TRAPPC9: variants seen among roughly 807,000 people sequenced by gnomAD.
The protein encoded by TRAPPC9 is IKK2 binding protein.
In TRAPPC9, 83 loss-of-function variants were observed where a neutral mutation model predicts 124.0. The observed-to-expected ratio is 0.67, with a 90% CI of 0.56 to 0.80. The LOEUF (loss-of-function observed/expected upper bound fraction) is 0.80. Ranked by LOEUF, TRAPPC9 falls within the 30% of genes least tolerant of loss-of-function variation. The pLI is 0.00. For synonymous variants in TRAPPC9, 638 were observed against 617.5 expected (o/e 1.03, Z -0.49); for missense variants, 1,302 against 1,508.3 (o/e 0.86, Z 2.27).
chr8:140,056,092 G>A (rs1842273904), intron 17 of TRAPPC9, among the ~76,000 whole-genome samples: 2 of 152,060 alleles, frequency 1.3e-5, no homozygotes. Flanking sequence ...ATTAAAAAAT[G>A]TATTGCAAAG....
chr8:139,745,904 C>T (rs766602776), intron 21 of TRAPPC9, among the ~76,000 whole-genome samples: 4 of 152,384 alleles, frequency 2.6e-5, no homozygotes, highest in East Asian at 1.9e-4. Context: ...ATGGCGAGCA[C>T]GCTGGCACTG....
At chr8:140,007,395 T>G (rs1420314092) in intron 18 of TRAPPC9, among the ~76,000 whole-genome samples, 2 of 152,218 alleles carry the variant, frequency 1.3e-5, no homozygotes, top group Non-Finnish European at 2.9e-5. Context: ...ATAATGATGA[T>G]TATGTCTAAT....
chr8:139,738,751 C>T lies in TRAPPC9; in HGVS notation c.3056-6549G>A, dbSNP rs562369928. On this transcript the variant is annotated intron_variant, in intron 21 of 22. Coordinates refer to ENST00000438773, the MANE Select transcript of TRAPPC9 (RefSeq NM_001160372.4). ...TAGGGGTCTGAGGACACACACAGAG[C>T]CCCCAAGGGGCCCCAGTCAGCCTCA... Among the ~76,000 whole-genome samples the T allele has an allele frequency of 3.9e-5, 6 of 152,304 alleles. No individual in the cohort carries two copies. In the South Asian group the frequency reaches 1.2e-3, roughly 32 times the overall value.
chr8:140,404,807 CAT>C (rs879560183), intron 6 of TRAPPC9, among the ~76,000 whole-genome samples: 6 of 148,266 alleles, frequency 4.0e-5, no homozygotes, highest in Non-Finnish European at 4.5e-5. Flanking sequence ...TGTGTGTGAA[CAT>C]GTGTGTATGT....
chr8:140,387,000 A>C (rs2068772324), intron 7 of TRAPPC9, among the ~76,000 whole-genome samples: 1 of 152,236 alleles, frequency 6.6e-6, no homozygotes, highest in African/African-American at 2.4e-5. Context: ...CAGAGCCCTC[A>C]GAAATAATAC....
intron 21 of TRAPPC9, among the ~76,000 whole-genome samples, chr8:139,878,937 G>T (rs983352411): frequency 6.6e-6 from 1 of 152,254 alleles, no homozygotes; most frequent in Non-Finnish European, 1.5e-5. Flanking sequence ...GCGATAAGCA[G>T]GAGCCTGTCT....
chr8:140,445,389 C>T (rs893091532), intron 2 of TRAPPC9, among the ~76,000 whole-genome samples: 4 of 152,218 alleles, frequency 2.6e-5, no homozygotes, highest in East Asian at 3.9e-4. Flanking sequence ...TTAGGAAAGG[C>T]GCTTGTCTCT....
chr8:140,287,960 T>C (rs2131740432), intron 12 of TRAPPC9, among the ~76,000 whole-genome samples: 1 of 152,376 alleles, frequency 6.6e-6, no homozygotes, highest in East Asian at 1.9e-4. Flanking sequence ...CCACTTGATT[T>C]CAGCCCTGTT....
intron 21 of TRAPPC9, among the ~76,000 whole-genome samples, chr8:139,839,033 G>T (rs1826554042): frequency 6.6e-6 from 1 of 152,214 alleles, no homozygotes; most frequent in African/African-American, 2.4e-5. Context: ...TTTAGAAGAT[G>T]CATCTCCTGA....
chr8:140,316,028 TC>T (rs1044571592), intron 9 of TRAPPC9, among the ~76,000 whole-genome samples: 1 of 152,178 alleles, frequency 6.6e-6, no homozygotes, highest in African/African-American at 2.4e-5. Context: ...CCTTTTGTCA[TC>T]CACAGACAAT....
chr8:140,145,207 A>T (rs890203524), intron 17 of TRAPPC9, among the ~76,000 whole-genome samples: 1 of 152,038 alleles, frequency 6.6e-6, no homozygotes, highest in African/African-American at 2.4e-5. Context: ...TTATCCATAG[A>T]TTGTCTTGAA....
chr8:140,099,418 C>T (rs1030066848), intron 17 of TRAPPC9: 1 of 151,936 alleles, frequency 6.6e-6, no homozygotes, highest in African/African-American at 2.4e-5. Context: ...GCAGGAGTGC[C>T]GCAATCCTCA....
chr8:140,350,977 C>T (rs2067551088), intron 9 of TRAPPC9, among the ~76,000 whole-genome samples: 1 of 151,802 alleles, frequency 6.6e-6, no homozygotes, highest in Non-Finnish European at 1.5e-5. Context: ...GGGCAGGAGG[C>T]TCCAGAGGAG....
chr8:140,160,701 A>G (rs1043606053), intron 17 of TRAPPC9, among the ~76,000 whole-genome samples: 2 of 152,144 alleles, frequency 1.3e-5, no homozygotes, highest in Non-Finnish European at 2.9e-5. Flanking sequence ...TGCAAATGAT[A>G]AGTTGATGGG....
chr8:140,397,648 T>C lies in TRAPPC9; in HGVS notation c.1106A>G (p.Gln369Arg), dbSNP rs1436673788. The C allele has an allele frequency of 1.9e-6, 3 of 1,614,092 alleles. No homozygotes were observed. Among genetic ancestry groups the C allele is most frequent in the African/African-American group, 1.3e-5 (1 of 74,948 alleles). The change falls in exon 7 of 23, where the codon CAG becomes CGG. Residue 369 changes from glutamine (Q) to arginine (R), a missense_variant. Physicochemically the swap from Gln to Arg is conservative, Grantham distance 43. This residue lies in a region of TRAPPC9 where 657 missense variants were observed against 811.2 expected (regional missense o/e 0.81). Coordinates refer to ENST00000438773, the MANE Select transcript of TRAPPC9 (RefSeq NM_001160372.4). The part of the protein sequence containing the change: ...KRSMEASEFL[Q>R]NAVYINLRQL... ...TCGAAGGTTAATGTAAACTGCATTC[T>C]GAAGAAATTCTGATGCTTCCATGCT...
chr8:139,981,920 T>A lies in TRAPPC9; in HGVS notation c.2810+6806A>T, dbSNP rs574380744. ...CCCAGCAGCCGCAGCGTTTGGGTGC[T>A]TCGGTGCCAGGTCCGCTGCACCCTC... is the stretch of plus-strand genomic sequence containing the variant. On this transcript the variant is annotated intron_variant, in intron 19 of 22. Transcript: ENST00000438773. 6.2e-4 allele frequency among the ~76,000 whole-genome samples: 95 copies of A among 152,316 alleles called. No individual in the cohort carries two copies. In the South Asian group the frequency reaches 1.0e-2, roughly 16 times the overall value.
intron 17 of TRAPPC9, among the ~76,000 whole-genome samples, chr8:140,094,517 CCT>C (rs1166122133): frequency 6.6e-6 from 1 of 152,180 alleles, no homozygotes; most frequent in African/African-American, 2.4e-5. Flanking sequence ...CTTTGGCCAC[CCT>C]GTTAGCCACA....
chr8:139,935,669 CTTTT>C (rs377706417), intron 19 of TRAPPC9, among the ~76,000 whole-genome samples: 326 of 132,530 alleles, frequency 2.5e-3, no homozygotes, highest in Middle Eastern at 8.2e-3. Context: ...TCAGTCTTTG[CTTTT>C]TTTTTTTTTT....
intron 16 of TRAPPC9, among the ~76,000 whole-genome samples, chr8:140,246,672 A>G (rs2063994599): frequency 6.6e-6 from 1 of 152,172 alleles, no homozygotes; most frequent in Admixed American, 6.5e-5. Context: ...CAAAACAATT[A>G]CAGAGAACAG....
Sources: gnomAD v4.1 joint callset for allele counts (sites outside exome capture counted in the v4.1 genomes callset) on GRCh38, gnomAD v4.1.1 for gene constraint, gnomAD v4.1.1 regional missense constraint, MANE v1.5 for transcripts, NCBI Gene and HGNC (gene_info 2026-07-23, HGNC 2026-07-21) for gene names.